Variants in KLHL7 observed in about 807,000 individuals in gnomAD.
KLHL7 encodes the protein kelch-like protein 7.
In KLHL7, 44 loss-of-function variants were observed where a neutral mutation model predicts 67.4. That is an observed-to-expected ratio of 0.65 (90% confidence interval 0.51 to 0.84). The LOEUF (loss-of-function observed/expected upper bound fraction) is 0.84. Among genes scored for constraint, KLHL7 ranks in the 40% least tolerant of loss-of-function variants. The pLI, the probability that KLHL7 is intolerant of heterozygous loss-of-function variation, is 0.00. For synonymous variants in KLHL7, 252 were observed against 243.3 expected, an observed-to-expected ratio of 1.04 and a Z score of -0.33; for missense variants, 362 against 718.1, an observed-to-expected ratio of 0.50 and a Z score of 5.67.
At chr7:23,116,864 A>G (rs778471570) in intron 1 of KLHL7, among the ~76,000 whole-genome samples, 2 of 152,162 alleles carry the variant, frequency 1.3e-5, no homozygotes, top group Non-Finnish European at 2.9e-5. Flanking sequence ...ACCATATGCC[A>G]TATAGCAAAT....
chr7:23,161,274 C>T (rs1415428724), intron 7 of KLHL7, among the ~76,000 whole-genome samples: 1 of 152,158 alleles, frequency 6.6e-6, no homozygotes, highest in African/African-American at 2.4e-5. Flanking sequence ...TGCTATTTTA[C>T]AGACTGTATT....
In KLHL7 at chr7:23,125,099, A is replaced by G. The variant is rs1431625626; in HGVS notation, c.369A>G (p.Gln123=). The G allele has an allele frequency of 1.2e-6, 2 of 1,612,690 alleles. No individual in the cohort carries two copies. Among genetic ancestry groups the G allele is most frequent in the Admixed American group, 1.7e-5 (1 of 60,020 alleles). Residue 123 remains glutamine, a synonymous_variant, in exon 4 of 11, where the codon CAA becomes CAG. Coordinates refer to ENST00000339077, the MANE Select transcript of KLHL7 (RefSeq NM_001031710.3). ...AGTCTTTGCTGGATGCAGCAAACCA[A>G]TATCAGATTGAACCTGTGAAGAAAA... The part of the protein sequence containing the change: ...NVQSLLDAAN[Q]YQIEPVKKMC...
chr7:23,125,336 C>T (rs892272334), intron 4 of KLHL7, 164 bp downstream of exon 4: 16 of 648,440 alleles, frequency 2.5e-5, no homozygotes, highest in South Asian at 1.4e-4. Context: ...TAGAGAGATG[C>T]ATATTAACCT....
Position 23,146,752 on chromosome 7 carries a change from T to A in KLHL7, c.793+2727T>A, listed in dbSNP as rs112928367. Among the ~76,000 whole-genome samples, 415 of 152,130 alleles carry A rather than the reference T, an allele frequency of 2.7e-3. 2 individuals are homozygous for A. The highest frequency in any genetic ancestry group is 6.5e-3 in the Admixed American group (100 of 15,278). On this transcript the variant is annotated intron_variant, in intron 6 of 10. Transcript: ENST00000339077. The stretch of plus-strand genomic sequence containing the variant: ...ATTTTTCCTAATATATCTGATAAGA[T>A]GGCTCAATACCATTATTGAAAAATT...
At chr7:23,167,790 C>T in intron 8 of KLHL7, 46 bp from the exon 9 acceptor site, 1 of 1,565,564 alleles carries the variant, frequency 6.4e-7, no homozygotes, top group Non-Finnish European at 8.8e-7. Context: ...TTCCAAACCC[C>T]CGCACACACT....
At chr7:23,107,089 A>C (rs1035597176) in intron 1 of KLHL7, among the ~76,000 whole-genome samples, 1 of 152,190 alleles carries the variant, frequency 6.6e-6, no homozygotes, top group Non-Finnish European at 1.5e-5. Context: ...AGAGGAATTT[A>C]AGATTTTTAT....
Position 23,174,121 on chromosome 7 carries a change from T to G in KLHL7, c.1584T>G (p.Ser528=). ...GVTVKCAAVG[S]IVYVLAGFQG... ...CAGTGAAATGTGCAGCAGTTGGCTC[T>G]ATAGTTTATGTCTTGGCTGGTTTTC... Residue 528 remains serine (S), a synonymous_variant, in exon 11 of 11, where the codon TCT becomes TCG. Coordinates refer to ENST00000339077, the MANE Select transcript of KLHL7 (RefSeq NM_001031710.3). 6.2e-7 allele frequency: 1 copy of G among 1,614,226 alleles called. No individual in the cohort carries two copies. Among genetic ancestry groups the G allele is most frequent in the Non-Finnish European group, 8.5e-7 (1 of 1,180,028 alleles).
chr7:23,163,240 G>A (rs758725475), intron 7 of KLHL7, among the ~76,000 whole-genome samples: 5 of 151,092 alleles, frequency 3.3e-5, no homozygotes, highest in Admixed American at 6.6e-5. Context: ...GCGTGATCTC[G>A]GCTCACTGCA....
Position 23,169,067 on chromosome 7 carries a change from C to T in KLHL7, c.1379+1030C>T, listed in dbSNP as rs146269595. Among the ~76,000 whole-genome samples, 178 of 152,166 alleles carry T rather than the reference C, an allele frequency of 1.2e-3. 1 individual carries two copies. The highest frequency in any genetic ancestry group is 4.0e-3 in the African/African-American group (168 of 41,528). Reference sequence around the variant, plus strand: ...CTTGAGGTCAGGAGTATGAGATCAGCCTGGCCAACATGGCAAAATCCCGTC... The same window carrying T: ...CTTGAGGTCAGGAGTATGAGATCAGTCTGGCCAACATGGCAAAATCCCGTC... On this transcript the variant is annotated intron_variant, in intron 9 of 10. Coordinates refer to ENST00000339077, the MANE Select transcript of KLHL7 (RefSeq NM_001031710.3).
At chr7:23,117,386 C>T (rs562920539) in intron 1 of KLHL7, among the ~76,000 whole-genome samples, 1 of 145,402 alleles carries the variant, frequency 6.9e-6, no homozygotes, top group Admixed American at 6.8e-5. Context: ...ACTGTTTTAA[C>T]CTACTCCTGA....
chr7:23,154,419 C>T (rs1457674982), intron 7 of KLHL7, among the ~76,000 whole-genome samples: 6 of 152,160 alleles, frequency 3.9e-5, no homozygotes, highest in Non-Finnish European at 7.4e-5. Flanking sequence ...ATTTGGCCTT[C>T]AGGCCATAGT....
At chr7:23,146,831 T>C (rs1349402359) in intron 6 of KLHL7, among the ~76,000 whole-genome samples, 1 of 152,130 alleles carries the variant, frequency 6.6e-6, no homozygotes, top group Non-Finnish European at 1.5e-5. Context: ...TATATCTATA[T>C]GTACACACAT....
intron 4 of KLHL7, among the ~76,000 whole-genome samples, chr7:23,133,589 A>G (rs1347612552): frequency 6.6e-6 from 1 of 151,782 alleles, no homozygotes; most frequent in Non-Finnish European, 1.5e-5. Flanking sequence ...ATGCCACCAC[A>G]CCTGACTAAT....
At chr7:23,117,143 A>G (rs1407830220) in intron 1 of KLHL7, among the ~76,000 whole-genome samples, 1 of 128,084 alleles carries the variant, frequency 7.8e-6, no homozygotes, top group Non-Finnish European at 1.6e-5. Flanking sequence ...GCTGGAGTGC[A>G]GTGGCATGAT....
At chr7:23,166,860 GT>G (rs200058303) in intron 8 of KLHL7, among the ~76,000 whole-genome samples, 176 of 151,480 alleles carry the variant, frequency 1.2e-3, no homozygotes, top group African/African-American at 4.0e-3. Flanking sequence ...TTAAGTAGTA[GT>G]TTTTTTTTAA....
At chr7:23,142,599 A>C (rs931981116) in intron 5 of KLHL7, among the ~76,000 whole-genome samples, 5 of 152,200 alleles carry the variant, frequency 3.3e-5, no homozygotes, top group Admixed American at 3.3e-4. Context: ...CAGTGATGTC[A>C]TGTTGATAGT....
At chr7:23,148,743 A>T (rs1784441225) in intron 6 of KLHL7, among the ~76,000 whole-genome samples, 1 of 152,258 alleles carries the variant, frequency 6.6e-6, no homozygotes, top group Admixed American at 6.5e-5. Context: ...TTCTGAACTG[A>T]TTAAGAAACA....
intron 7 of KLHL7, among the ~76,000 whole-genome samples, chr7:23,163,763 C>T (rs886418796): frequency 6.6e-6 from 1 of 152,156 alleles, no homozygotes; most frequent in Admixed American, 6.5e-5. Flanking sequence ...AGAGATATAT[C>T]AAAATTTAAG....
In KLHL7 at chr7:23,175,257, C is replaced by T; in HGVS notation, c.*959C>T. ...TAATCATGAGTTAGATATATGTCATCTCCTATTCATTGCTTTTATGTGATC... is the reference window on the plus strand; with the variant it reads ...TAATCATGAGTTAGATATATGTCATTTCCTATTCATTGCTTTTATGTGATC... On this transcript the variant is annotated 3_prime_UTR_variant, in exon 11 of 11. Transcript: ENST00000339077. The T allele has an allele frequency of 2.2e-6, 1 of 454,014 alleles. No homozygotes were observed. Among genetic ancestry groups the T allele is most frequent in the Non-Finnish European group, 4.4e-6 (1 of 226,760 alleles). The allele number at this position is 454,014 out of a possible 1,614,324, so 28.1% of individuals were successfully genotyped here. A position where few individuals can be genotyped will look rare whatever the true frequency, so the allele number is the denominator to read the frequency against.
Sources: gnomAD v4.1 joint callset for allele counts (sites outside exome capture counted in the v4.1 genomes callset) on GRCh38, gnomAD v4.1.1 for gene constraint, MANE v1.5 for transcripts, NCBI Gene and HGNC (gene_info 2026-07-23, HGNC 2026-07-21) for gene names.